CEP126: variants seen among roughly 807,000 people sequenced by gnomAD.
The protein encoded by CEP126 is centrosomal protein 126, also known as centrosomal protein of 126 kDa.
A neutral mutation model predicts 107.8 loss-of-function variants in CEP126; 74 were observed. The observed-to-expected ratio is 0.69, with a 90% CI of 0.57 to 0.83. The LOEUF (loss-of-function observed/expected upper bound fraction) is 0.83. CEP126 is among the 40% of genes least tolerant of loss of function. The pLI, the probability that CEP126 is intolerant of heterozygous loss-of-function variation, is 0.00. For missense variants in CEP126, 1,237 were observed against 1,281.9 expected, an observed-to-expected ratio of 0.96 and a Z score of 0.53; for synonymous variants, 449 against 446.0, an observed-to-expected ratio of 1.01 and a Z score of -0.08.
chr11:101,956,995 T>G (rs1436991983), intron 4 of CEP126: 1 of 305,736 alleles, frequency 3.3e-6, no homozygotes, highest in African/African-American at 2.2e-5. Context: ...ATATTTTGTT[T>G]GGGAAGGGCG....
Position 102,000,240 on chromosome 11 carries a change from T to C in CEP126, c.*2597T>C, listed in dbSNP as rs1279611512. The C allele has an allele frequency of 6.6e-6, 1 of 152,164 alleles. No individual in the cohort carries two copies. Among genetic ancestry groups the C allele is most frequent in the Non-Finnish European group, 1.5e-5 (1 of 68,024 alleles). 9.4% of individuals were successfully genotyped at this position (152,164 alleles called of 1,614,324 possible). A position where few individuals can be genotyped will look rare whatever the true frequency, so the allele number is the denominator to read the frequency against. Reference sequence around the variant, plus strand: ...TTTTAAAAAGTAACTTTTTTAATAATATAAGAAAGAAAAATGCCCTTTCAC... The same window carrying C: ...TTTTAAAAAGTAACTTTTTTAATAACATAAGAAAGAAAAATGCCCTTTCAC... On this transcript the variant is annotated 3_prime_UTR_variant, in exon 11 of 11. Transcript: ENST00000263468.
At chr11:101,971,982 G>A (rs985148401) in intron 6 of CEP126, among the ~76,000 whole-genome samples, 3 of 151,950 alleles carry the variant, frequency 2.0e-5, no homozygotes, top group East Asian at 1.9e-4. Context: ...GGTGGTGGGC[G>A]CCTGTAATCC....
intron 6 of CEP126, among the ~76,000 whole-genome samples, chr11:101,967,969 C>G (rs1392109292): frequency 6.6e-6 from 1 of 152,100 alleles, no homozygotes; most frequent in African/African-American, 2.4e-5. Flanking sequence ...AACTTTGACA[C>G]ACAGAGATTT....
chr11:101,978,583 A>T, intron 7 of CEP126, 124 bp downstream of exon 7: 1 of 612,802 alleles, frequency 1.6e-6, no homozygotes, highest in Middle Eastern at 4.5e-4. Flanking sequence ...ATTATAGCCA[A>T]AGCCATTTGT....
chr11:101,967,137 T>C lies in CEP126; in HGVS notation c.2845+3257T>C, dbSNP rs541697402. 2.0e-5 allele frequency among the ~76,000 whole-genome samples: 3 copies of C among 148,394 alleles called. No homozygotes were observed. In the East Asian group the frequency reaches 6.1e-4, roughly 30 times the overall value. Reference sequence around the variant, plus strand: ...TGGGACTCCTGGACTCAAGCAATGCTCCCATCTCAACCTTTCAGGCACTAC... The same window carrying C: ...TGGGACTCCTGGACTCAAGCAATGCCCCCATCTCAACCTTTCAGGCACTAC... On this transcript the variant is annotated intron_variant, in intron 6 of 10. Coordinates refer to ENST00000263468, the MANE Select transcript of CEP126 (RefSeq NM_020802.4).
chr11:101,915,750 T>C (rs1010477733), intron 1 of CEP126, among the ~76,000 whole-genome samples: 8 of 152,240 alleles, frequency 5.3e-5, no homozygotes, highest in African/African-American at 1.9e-4. Context: ...TACTTCCTGA[T>C]TTATCGTACT....
At chr11:101,938,072 G>A (rs1213195818) in intron 2 of CEP126, among the ~76,000 whole-genome samples, 2 of 148,654 alleles carry the variant, frequency 1.3e-5, no homozygotes, top group East Asian at 4.0e-4. Flanking sequence ...AGAATGGCGT[G>A]AACCCGGGAA....
At chr11:101,928,039 C>T (rs1331554037) in intron 2 of CEP126, among the ~76,000 whole-genome samples, 1 of 152,096 alleles carries the variant, frequency 6.6e-6, no homozygotes, top group Admixed American at 6.5e-5. Flanking sequence ...TTGGTATTGT[C>T]ACTATTTTTT....
chr11:101,974,137 TAAAC>T lies in CEP126; in HGVS notation c.2846-4208_2846-4205del, dbSNP rs575892712. On this transcript the variant is annotated intron_variant, in intron 6 of 10. Coordinates refer to ENST00000263468, the MANE Select transcript of CEP126 (RefSeq NM_020802.4). ...ACCTGTTTTGATAACTCTTCTTTGT[TAAAC>T]ACACACACACACACAAAGCAAAAAA... Among the ~76,000 whole-genome samples the T allele has an allele frequency of 4.6e-3, 671 of 147,154 alleles. 5 individuals carry two copies. The highest frequency in any genetic ancestry group is 0.017 in the African/African-American group (645 of 39,022).
rs760519312 is a variant in CEP126 at position 101,962,872 on chromosome 11, A to G, written c.1837A>G (p.Ile613Val). 9 of 1,609,220 alleles carry G rather than the reference A, an allele frequency of 5.6e-6. No homozygotes were observed. Among genetic ancestry groups the G allele is most frequent in the Admixed American group, 3.4e-5 (2 of 59,104 alleles). ...NQKAAAIRDS[I>V]ELTKEKGAEI... ...AAAAGCAGCAGCTATCAGAGATAGT[A>G]TTGAATTAACAAAGGAAAAAGGTGC... Residue 613 changes from isoleucine to valine, a missense_variant, in exon 6 of 11, where the codon ATT becomes GTT. Ile to Val is a conservative substitution (Grantham distance 29). Transcript: ENST00000263468.
chr11:101,974,183 T>C (rs1941166678), intron 6 of CEP126, among the ~76,000 whole-genome samples: 1 of 152,154 alleles, frequency 6.6e-6, no homozygotes, highest in East Asian at 1.9e-4. Flanking sequence ...CCATAGCTGT[T>C]ACAAGGTCAC....
intron 10 of CEP126, among the ~76,000 whole-genome samples, chr11:101,997,066 C>G (rs1034890194): frequency 6.6e-6 from 1 of 152,206 alleles, no homozygotes; most frequent in Non-Finnish European, 1.5e-5. Flanking sequence ...GAGACGGAGT[C>G]TTGCTCTGTC....
intron 2 of CEP126, among the ~76,000 whole-genome samples, chr11:101,943,427 C>T (rs1353305263): frequency 6.6e-6 from 1 of 151,966 alleles, no homozygotes; most frequent in Admixed American, 6.6e-5. Flanking sequence ...TTCTTACCAA[C>T]CATCTCCTAA....
chr11:101,933,382 C>G (rs1314779438), intron 2 of CEP126, among the ~76,000 whole-genome samples: 1 of 152,132 alleles, frequency 6.6e-6, no homozygotes, highest in Admixed American at 6.6e-5. Flanking sequence ...AAGGTTGTTA[C>G]ATAGTGTATA....
At chr11:101,937,667 CA>C (rs1469613465) in intron 2 of CEP126, among the ~76,000 whole-genome samples, 1 of 151,872 alleles carries the variant, frequency 6.6e-6, no homozygotes, top group African/African-American at 2.4e-5. Context: ...GTGTTTTGTT[CA>C]CCTCTATATT....
Position 101,997,971 on chromosome 11 carries a change from CT to C in CEP126, c.*331del, listed in dbSNP as rs1941462172. On this transcript the variant is annotated 3_prime_UTR_variant, in exon 11 of 11. Transcript: ENST00000263468. ...TTTTTCCAAAGAATTCACAGTGCTC[CT>C]TTGCAATTTATAGATTTCATGTTGA... The C allele has an allele frequency of 1.3e-5, 3 of 229,586 alleles. No homozygotes were observed. The highest frequency in any genetic ancestry group is 2.5e-5 in the Non-Finnish European group (3 of 118,290). 14.2% of individuals were successfully genotyped at this position (229,586 alleles called of 1,614,324 possible). A position where few individuals can be genotyped will look rare whatever the true frequency, so the allele number is the denominator to read the frequency against.
chr11:101,988,951 T>C (rs931194461), intron 9 of CEP126, among the ~76,000 whole-genome samples: 2 of 152,118 alleles, frequency 1.3e-5, no homozygotes, highest in Non-Finnish European at 2.9e-5. Context: ...ATTGATAGAA[T>C]AGATTTTAAA....
At chr11:101,991,555 C>T (rs1941382488) in intron 9 of CEP126, among the ~76,000 whole-genome samples, 1 of 152,076 alleles carries the variant, frequency 6.6e-6, no homozygotes, top group Non-Finnish European at 1.5e-5. Context: ...AGACAACATG[C>T]ATGAACAGAT....
chr11:101,922,636 A>C lies in CEP126; in HGVS notation c.129-5A>C. Reference sequence around the variant, plus strand: ...CCATTGTTCTTAACTTAATGCTATCATTAGAGATATGAAAATCCATCTGGA... The same window carrying C: ...CCATTGTTCTTAACTTAATGCTATCCTTAGAGATATGAAAATCCATCTGGA... On this transcript the variant is annotated splice_polypyrimidine_tract_variant and splice_region_variant and intron_variant, in intron 1 of 10. Coordinates refer to ENST00000263468, the MANE Select transcript of CEP126 (RefSeq NM_020802.4). The C allele has an allele frequency of 6.3e-7, 1 of 1,599,670 alleles. No individual in the cohort carries two copies. Among genetic ancestry groups the C allele is most frequent in the Non-Finnish European group, 8.6e-7 (1 of 1,167,520 alleles).
Sources: allele counts gnomAD v4.1 joint callset (sites outside exome capture counted in the v4.1 genomes callset), GRCh38; gene constraint gnomAD v4.1.1; transcripts MANE v1.5; gene names NCBI Gene and HGNC (gene_info 2026-07-23, HGNC 2026-07-21).